EXOC4: variants seen among roughly 807,000 people sequenced by gnomAD.
EXOC4 encodes the protein exocyst complex component 4.
A neutral mutation model predicts 107.2 loss-of-function variants in EXOC4; 71 were observed. The ratio of observed to expected loss-of-function variants is 0.66; its 90% CI spans 0.55 to 0.81. The LOEUF (loss-of-function observed/expected upper bound fraction) is 0.81, where lower values mean the gene tolerates loss of function less well. Ranked by LOEUF, EXOC4 falls within the 30% of genes least tolerant of loss-of-function variation. The pLI is 0.00. For synonymous variants in EXOC4, 456 were observed against 441.2 expected, an observed-to-expected ratio of 1.03 and a Z score of -0.42; for missense variants, 1,108 against 1,189.6, an observed-to-expected ratio of 0.93 and a Z score of 1.01.
chr7:133,527,329 G>A (rs1259045287), intron 9 of EXOC4, among the ~76,000 whole-genome samples: 3 of 150,864 alleles, frequency 2.0e-5, no homozygotes, highest in African/African-American at 7.3e-5. Context: ...GCATGAACCT[G>A]GGACGTGGAG....
At chr7:134,039,062 T>C (rs1480062221) in intron 17 of EXOC4, among the ~76,000 whole-genome samples, 2 of 152,190 alleles carry the variant, frequency 1.3e-5, no homozygotes, top group African/African-American at 4.8e-5. Flanking sequence ...TTTACTTTGT[T>C]CCCCTCTCCT....
intron 14 of EXOC4, among the ~76,000 whole-genome samples, chr7:133,992,650 G>T (rs1038635441): frequency 1.6e-4 from 24 of 151,140 alleles, no homozygotes; most frequent in African/African-American, 5.6e-4. Context: ...TAAGAGTTTT[G>T]GGGTGGAGTC....
intron 3 of EXOC4, among the ~76,000 whole-genome samples, chr7:133,304,101 G>T (rs563785011): frequency 1.7e-4 from 26 of 152,260 alleles, no homozygotes; most frequent in Non-Finnish European, 3.5e-4. Flanking sequence ...TGCAGTGGGT[G>T]GTTTTTAAGC....
At chr7:133,888,760 G>A (rs117670315) in intron 11 of EXOC4, among the ~76,000 whole-genome samples, 1,564 of 152,250 alleles carry the variant, frequency 0.01, 12 homozygotes, top group Non-Finnish European at 0.018. Flanking sequence ...GCAGAACTCC[G>A]GTCTGGCTCT....
At chr7:133,474,375 G>A (rs1157231863) in intron 7 of EXOC4, among the ~76,000 whole-genome samples, 1 of 152,012 alleles carries the variant, frequency 6.6e-6, no homozygotes, top group Admixed American at 6.5e-5. Flanking sequence ...GAGTGCAGTG[G>A]CATGATCTCG....
chr7:133,855,089 A>C (rs142512861), intron 11 of EXOC4, among the ~76,000 whole-genome samples: 1,034 of 21,900 alleles, frequency 0.047, 30 homozygotes, highest in East Asian at 0.11. Context: ...CTAAATATAT[A>C]TAAATATATA....
intron 15 of EXOC4, among the ~76,000 whole-genome samples, chr7:134,000,729 C>T (rs184107285): frequency 2.0e-5 from 3 of 152,222 alleles, no homozygotes; most frequent in Non-Finnish European, 2.9e-5. Context: ...AACGTAGGCC[C>T]GGTTGTCCAG....
At chr7:133,480,360 T>A (rs1014508048) in intron 9 of EXOC4, 1 of 1,355,740 alleles carries the variant, frequency 7.4e-7, no homozygotes, top group South Asian at 1.6e-5. Context: ...CAAGTGGGAA[T>A]TCAAAGCAAA....
At chr7:133,496,112 T>A (rs1799472160) in intron 9 of EXOC4, among the ~76,000 whole-genome samples, 1 of 152,154 alleles carries the variant, frequency 6.6e-6, no homozygotes, top group Non-Finnish European at 1.5e-5. Context: ...ACAGACTATC[T>A]GCCAATTTAC....
intron 7 of EXOC4, among the ~76,000 whole-genome samples, chr7:133,441,047 T>C (rs1164577970): frequency 6.6e-6 from 1 of 152,174 alleles, no homozygotes; most frequent in Non-Finnish European, 1.5e-5. Flanking sequence ...TTAGTACTAT[T>C]GGGAGATTTT....
At chr7:133,796,905 G>A (rs1364053734) in intron 10 of EXOC4, among the ~76,000 whole-genome samples, 1 of 152,108 alleles carries the variant, frequency 6.6e-6, no homozygotes, top group Non-Finnish European at 1.5e-5. Flanking sequence ...TCTGTCTGCC[G>A]ACTTAATGGA....
chr7:133,362,428 A>G (rs1303765463), intron 6 of EXOC4, among the ~76,000 whole-genome samples: 1 of 152,172 alleles, frequency 6.6e-6, no homozygotes, highest in Non-Finnish European at 1.5e-5. Context: ...TCTAACGCTG[A>G]GTCGTTTATC....
intron 10 of EXOC4, among the ~76,000 whole-genome samples, chr7:133,659,601 G>A (rs749909621): frequency 9.9e-5 from 15 of 152,130 alleles, no homozygotes; most frequent in Non-Finnish European, 1.5e-4. Context: ...GGTTCTTATT[G>A]TAAGTGTGGA....
At position 133,468,963 on chromosome 7, in the gene EXOC4, T is replaced by C. The variant is rs1020337133; in HGVS notation, c.1183-6365T>C. ...TTTAATATAGGCACATTTAAAATATTGCCCAAGAGAAGTTGAGTCTTAGTT... is the reference window on the plus strand; with the variant it reads ...TTTAATATAGGCACATTTAAAATATCGCCCAAGAGAAGTTGAGTCTTAGTT... On this transcript the variant is annotated intron_variant, in intron 7 of 17. Coordinates refer to ENST00000253861, the MANE Select transcript of EXOC4 (RefSeq NM_021807.4). Among the ~76,000 whole-genome samples, 20 of 152,198 alleles carry C rather than the reference T, an allele frequency of 1.3e-4. 1 individual carries two copies. Among genetic ancestry groups the C allele is most frequent in the Non-Finnish European group, 1.5e-5 (1 of 68,026 alleles).
At chr7:133,344,651 A>G (rs778722314) in intron 5 of EXOC4, among the ~76,000 whole-genome samples, 1 of 152,158 alleles carries the variant, frequency 6.6e-6, no homozygotes, top group Non-Finnish European at 1.5e-5. Flanking sequence ...CCCAGAAGCT[A>G]CGTGTTTCAA....
chr7:133,883,553 G>A (rs1799013088), intron 11 of EXOC4, among the ~76,000 whole-genome samples: 1 of 151,758 alleles, frequency 6.6e-6, no homozygotes, highest in Non-Finnish European at 1.5e-5. Flanking sequence ...TGAGGTGGGA[G>A]GATTGCCTGA....
chr7:134,017,221 C>T (rs184873401), intron 17 of EXOC4, among the ~76,000 whole-genome samples: 10 of 152,114 alleles, frequency 6.6e-5, no homozygotes, highest in Admixed American at 5.2e-4. Context: ...GATTATTAGC[C>T]GTGTAGATTT....
Position 133,356,702 on chromosome 7 carries a change from CA to C in EXOC4, c.1007+130del, listed in dbSNP as rs1271977892. On this transcript the variant is annotated intron_variant, in intron 6 of 17. Coordinates refer to ENST00000253861, the MANE Select transcript of EXOC4 (RefSeq NM_021807.4). ...TTAGGATACTATAGCCCATACAGGC[CA>C]GGCGCAGTGGCTCACGCCTGTTATC... 2.8e-6 allele frequency: 3 copies of C among 1,081,632 alleles called. No homozygotes were observed. In the East Asian group the frequency reaches 7.7e-5, roughly 28 times the overall value. 67.0% of individuals were successfully genotyped at this position (1,081,632 alleles called of 1,614,324 possible).
chr7:133,911,139 C>G (rs1799684237), intron 12 of EXOC4, among the ~76,000 whole-genome samples: 1 of 152,310 alleles, frequency 6.6e-6, no homozygotes, highest in Middle Eastern at 3.4e-3. Context: ...AATAGTTACA[C>G]AGTTGGCTCT....
Sources: allele counts gnomAD v4.1 joint callset (sites outside exome capture counted in the v4.1 genomes callset), GRCh38; gene constraint gnomAD v4.1.1; transcripts MANE v1.5; gene names NCBI Gene and HGNC (gene_info 2026-07-23, HGNC 2026-07-21).